RHOBTB3: variants seen among roughly 807,000 people sequenced by gnomAD.
RHOBTB3 encodes Rho related BTB domain containing 3.
A neutral mutation model predicts 67.2 loss-of-function variants in RHOBTB3; 47 were observed. The observed-to-expected ratio is 0.70, with a 90% CI of 0.55 to 0.89. RHOBTB3 has a LOEUF of 0.89. Among genes scored for constraint, RHOBTB3 ranks in the 40% least tolerant of loss-of-function variants. The probability of loss-of-function intolerance (pLI) is 0.00; values close to 1 mark genes in which losing one functional copy is unlikely to be tolerated. For missense variants in RHOBTB3, 631 were observed against 750.0 expected (o/e 0.84, Z 1.85); for synonymous variants, 273 against 274.2 (o/e 1.00, Z 0.04).
At chr5:95,767,402 A>G (rs1745579892) in intron 7 of RHOBTB3, among the ~76,000 whole-genome samples, 1 of 151,706 alleles carries the variant, frequency 6.6e-6, no homozygotes, top group South Asian at 2.1e-4. Context: ...CAGTGGCATA[A>G]TCTCAGTTTA....
intron 6 of RHOBTB3, 63 bp downstream of exon 6, chr5:95,755,824 G>C: frequency 6.4e-7 from 1 of 1,551,976 alleles, no homozygotes; most frequent in African/African-American, 1.4e-5. Flanking sequence ...AAATGTGCCT[G>C]TGACACTCAA....
intron 7 of RHOBTB3, 119 bp from the exon 8 acceptor site, chr5:95,767,927 A>G: frequency 1.1e-6 from 1 of 950,582 alleles, no homozygotes; most frequent in Non-Finnish European, 1.7e-6. Context: ...GAGATGTCAT[A>G]GAGTAGGGAA....
chr5:95,749,500 A>C (rs1452873276), intron 4 of RHOBTB3, among the ~76,000 whole-genome samples: 1 of 152,236 alleles, frequency 6.6e-6, no homozygotes, highest in East Asian at 1.9e-4. Context: ...GTTAAAGAAG[A>C]TATACTCACA....
chr5:95,770,749 A>T (rs1434403003), intron 8 of RHOBTB3: 2 of 345,816 alleles, frequency 5.8e-6, no homozygotes, highest in East Asian at 1.4e-4. Flanking sequence ...CGGTGATAGG[A>T]AGCTCAAGGC....
rs956559433 is a variant in RHOBTB3 at position 95,768,643 on chromosome 5, G to A, written c.1282+477G>A. Among the ~76,000 whole-genome samples, 7 of 152,154 alleles carry A rather than the reference G, an allele frequency of 4.6e-5. No homozygotes were observed. In the South Asian group the frequency reaches 1.2e-3, roughly 27 times the overall value. On this transcript the variant is annotated intron_variant, in intron 8 of 11. Transcript: ENST00000379982. ...GCAAAAGGACTGAGGGTTATGCCTG[G>A]CCCACCTCAGGCACCCATAGATATT...
chr5:95,733,778 G>T (rs946252765), intron 2 of RHOBTB3, among the ~76,000 whole-genome samples: 1 of 152,102 alleles, frequency 6.6e-6, no homozygotes, highest in African/African-American at 2.4e-5. Context: ...TCACTTGGTG[G>T]TAAGTAAAGC....
intron 3 of RHOBTB3, 118 bp from the exon 4 acceptor site, chr5:95,748,215 A>C: frequency 1.6e-6 from 1 of 613,310 alleles, no homozygotes; most frequent in African/African-American, 1.9e-5. Context: ...GATATACTGA[A>C]TGCTTTTGAA....
chr5:95,737,507 T>G (rs886993218), intron 3 of RHOBTB3, among the ~76,000 whole-genome samples: 2 of 152,206 alleles, frequency 1.3e-5, no homozygotes, highest in African/African-American at 4.8e-5. Flanking sequence ...ACACTGACAG[T>G]GCTGCCTAAA....
chr5:95,717,980 G>A (rs1290806655), intron 1 of RHOBTB3, among the ~76,000 whole-genome samples: 1 of 152,152 alleles, frequency 6.6e-6, no homozygotes, highest in East Asian at 1.9e-4. Context: ...AAACAATGCT[G>A]AGCAACTAAG....
rs1292804902 is a variant in RHOBTB3 at position 95,732,079 on chromosome 5, G to A, written c.223G>A (p.Val75Ile). ...NVKLVVHDCPVWDIFDSDWYT... is the reference protein window; with the variant it reads ...NVKLVVHDCPIWDIFDSDWYT... ...CAAGCTGGTGGTCCACGACTGTCCC[G>A]TCTGGGTAAGGAAGAGCAGCTGCTC... is the stretch of plus-strand genomic sequence containing the variant. The change falls in exon 2 of 12, where the codon GTC becomes ATC. Residue 75 changes from valine to isoleucine, a missense_variant. By Grantham distance (29) the Val-to-Ile change is conservative (BLOSUM62 3). Coordinates refer to ENST00000379982, the MANE Select transcript of RHOBTB3 (RefSeq NM_014899.4). The A allele has an allele frequency of 6.2e-7, 1 of 1,613,934 alleles. No individual in the cohort carries two copies. The highest frequency in any genetic ancestry group is 1.1e-5 in the South Asian group (1 of 91,066).
chr5:95,752,982 A>T (rs1304363789), intron 5 of RHOBTB3, among the ~76,000 whole-genome samples: 1 of 152,074 alleles, frequency 6.6e-6, no homozygotes, highest in African/African-American at 2.4e-5. Flanking sequence ...ATACAAAAAA[A>T]TTAGCCGGGT....
intron 6 of RHOBTB3, among the ~76,000 whole-genome samples, chr5:95,757,417 T>G (rs1200266716): frequency 6.6e-6 from 1 of 152,238 alleles, no homozygotes; most frequent in African/African-American, 2.4e-5. Flanking sequence ...TGCTCTGCAG[T>G]GTGTCTGGAG....
intron 8 of RHOBTB3, among the ~76,000 whole-genome samples, chr5:95,768,840 C>T (rs888796499): frequency 2.0e-5 from 3 of 152,172 alleles, no homozygotes; most frequent in Non-Finnish European, 2.9e-5. Context: ...AGATTAAGAT[C>T]TAAAGAATGT....
intron 10 of RHOBTB3, 80 bp from the exon 11 acceptor site, chr5:95,788,682 G>T: frequency 1.1e-6 from 1 of 901,688 alleles, no homozygotes; most frequent in Non-Finnish European, 1.7e-6. Flanking sequence ...CTCCGTGATT[G>T]CTCCCAGGCC....
chr5:95,790,832 G>A (rs1026844786), intron 11 of RHOBTB3, among the ~76,000 whole-genome samples: 1 of 152,196 alleles, frequency 6.6e-6, no homozygotes, highest in Non-Finnish European at 1.5e-5. Flanking sequence ...GCCTGCCAAC[G>A]TGTTTTATTG....
At chr5:95,785,983 A>G (rs976872448) in intron 10 of RHOBTB3, among the ~76,000 whole-genome samples, 77 of 151,806 alleles carry the variant, frequency 5.1e-4, no homozygotes, top group African/African-American at 1.8e-3. Context: ...CTGGTTTCTG[A>G]CTCTGTGATT....
chr5:95,735,200 C>G (rs973810378), intron 2 of RHOBTB3, among the ~76,000 whole-genome samples: 2 of 151,746 alleles, frequency 1.3e-5, no homozygotes, highest in African/African-American at 4.8e-5. Flanking sequence ...CCTTCTGCCC[C>G]CTTGCACCCT....
chr5:95,731,884 AACGAGGGGG>A lies in RHOBTB3; in HGVS notation c.31_39del (p.Glu11_Asp13del). 1 of 1,613,184 alleles carries A rather than the reference AACGAGGGGG, an allele frequency of 6.2e-7. No homozygotes were observed. The highest frequency in any genetic ancestry group is 1.1e-5 in the South Asian group (1 of 91,060). ...GTCCATCCACATCGTGGCGCTGGGG[AACGAGGGGG>A]ACACATTCCACCAGGACAACCGGCC... On this transcript the variant is annotated inframe_deletion, in exon 2 of 12. Coordinates refer to ENST00000379982, the MANE Select transcript of RHOBTB3 (RefSeq NM_014899.4).
At chr5:95,771,582 G>A (rs1745716012) in intron 8 of RHOBTB3, among the ~76,000 whole-genome samples, 1 of 152,234 alleles carries the variant, frequency 6.6e-6, no homozygotes, top group African/African-American at 2.4e-5. Context: ...TCATTTTAGA[G>A]AGACCTATAA....
Sources: gnomAD v4.1 joint callset for allele counts (sites outside exome capture counted in the v4.1 genomes callset) on GRCh38, gnomAD v4.1.1 for gene constraint, MANE v1.5 for transcripts, NCBI Gene and HGNC (gene_info 2026-07-23, HGNC 2026-07-21) for gene names.